The following DNM3 variants were observed in gnomAD, a reference collection of about 807,000 sequenced individuals.
DNM3 encodes dynamin 3.
A neutral mutation model predicts 101.6 loss-of-function variants in DNM3; 47 were observed. That is an observed-to-expected ratio of 0.46 (90% CI 0.37 to 0.59). The LOEUF is 0.59. DNM3 is among the 20% of genes least tolerant of loss of function. The pLI is 0.00. For synonymous variants in DNM3, 385 were observed against 387.9 expected (o/e 0.99, Z 0.09); for missense variants, 849 against 1,085.7 (o/e 0.78, Z 3.06).
intron 1 of DNM3, among the ~76,000 whole-genome samples, chr1:171,889,136 T>A (rs895526513): frequency 6.6e-6 from 1 of 152,078 alleles, no homozygotes; most frequent in Non-Finnish European, 1.5e-5. Flanking sequence ...TGGACCACCA[T>A]GCCCGGCTAA....
At chr1:172,303,829 T>A (rs1439349112) in intron 15 of DNM3, among the ~76,000 whole-genome samples, 2 of 152,098 alleles carry the variant, frequency 1.3e-5, no homozygotes, top group Non-Finnish European at 2.9e-5. Context: ...AAGCAAATGC[T>A]GAGAGATTTT....
chr1:172,088,801 G>GT, intron 12 of DNM3, among the ~76,000 whole-genome samples: 3 of 152,196 alleles, frequency 2.0e-5, no homozygotes, highest in African/African-American at 7.2e-5. Context: ...AATTACAATG[G>GT]TATAGGATTT....
intron 15 of DNM3, among the ~76,000 whole-genome samples, chr1:172,292,233 A>G (rs919636910): frequency 3.3e-5 from 5 of 152,200 alleles, no homozygotes; most frequent in African/African-American, 1.2e-4. Flanking sequence ...TCAAGTTGAT[A>G]TTATAATCCC....
intron 15 of DNM3, among the ~76,000 whole-genome samples, chr1:172,269,222 CA>C (rs1371767671): frequency 1.3e-5 from 2 of 152,150 alleles, no homozygotes; most frequent in Non-Finnish European, 2.9e-5. Flanking sequence ...AGTTCAAGAA[CA>C]AAAAGAAATT....
chr1:172,303,725 C>A (rs186135263), intron 15 of DNM3, among the ~76,000 whole-genome samples: 50 of 152,276 alleles, frequency 3.3e-4, no homozygotes, highest in African/African-American at 1.1e-3. Flanking sequence ...AGCCAATATT[C>A]AACATTCTTA....
intron 1 of DNM3, among the ~76,000 whole-genome samples, chr1:171,904,043 C>A (rs146285457): frequency 3.6e-4 from 55 of 152,068 alleles, no homozygotes; most frequent in Admixed American, 7.9e-4. Flanking sequence ...CGCAGTGGCT[C>A]ACAGCTGTAA....
intron 14 of DNM3, among the ~76,000 whole-genome samples, chr1:172,242,028 T>C (rs761462163): frequency 5.3e-5 from 8 of 152,086 alleles, no homozygotes; most frequent in Non-Finnish European, 8.8e-5. Context: ...TGCCATTCAG[T>C]TGCTTGAAAA....
chr1:172,151,893 T>C (rs2058142778), intron 14 of DNM3, among the ~76,000 whole-genome samples: 1 of 152,112 alleles, frequency 6.6e-6, no homozygotes, highest in African/African-American at 2.4e-5. Context: ...TTTGTTTGTT[T>C]GTTTGTTTGA....
At chr1:172,417,903 T>C (rs752629899) in intron 20 of DNM3, among the ~76,000 whole-genome samples, 4 of 152,176 alleles carry the variant, frequency 2.6e-5, no homozygotes, top group African/African-American at 4.8e-5. Context: ...TTTCACAAAA[T>C]CAGGGTTGAA....
Position 172,032,412 on chromosome 1 carries a change from C to T in DNM3, c.600C>T (p.Thr200=). 1 of 1,611,890 alleles carries T rather than the reference C, an allele frequency of 6.2e-7. No individual in the cohort carries two copies. Among genetic ancestry groups the T allele is most frequent in the Non-Finnish European group, 8.5e-7 (1 of 1,178,478 alleles). ...TTGTTTATGATGCAGGTCTGAGAAC[C>T]ATTGGAGTTATCACCAAACTGGACC... is the stretch of plus-strand genomic sequence containing the variant. ...AKEVDPQGLR[T]IGVITKLDLM... Residue 200 remains threonine (T), a synonymous_variant, in exon 5 of 21, where the codon ACC becomes ACT. Transcript: ENST00000627582.
chr1:172,366,214 A>T (rs2068011271), intron 17 of DNM3, among the ~76,000 whole-genome samples: 1 of 151,964 alleles, frequency 6.6e-6, no homozygotes, highest in Admixed American at 6.6e-5. Context: ...CAACAGAGCG[A>T]GGCCCTTTTT....
At chr1:172,083,583 C>T (rs2053313121) in intron 12 of DNM3, among the ~76,000 whole-genome samples, 1 of 152,044 alleles carries the variant, frequency 6.6e-6, no homozygotes, top group Non-Finnish European at 1.5e-5. Flanking sequence ...TGTTGTGGTA[C>T]CACAATTAGA....
chr1:171,964,789 C>T (rs1313401792), intron 2 of DNM3, among the ~76,000 whole-genome samples: 1 of 151,952 alleles, frequency 6.6e-6, no homozygotes, highest in Non-Finnish European at 1.5e-5. Flanking sequence ...ATAAACAGGA[C>T]ACAAGAGGGG....
At chr1:172,311,782 A>G (rs2065092691) in intron 16 of DNM3, among the ~76,000 whole-genome samples, 1 of 152,142 alleles carries the variant, frequency 6.6e-6, no homozygotes, top group Non-Finnish European at 1.5e-5. Flanking sequence ...TCACAACACA[A>G]TCTGTTTTGA....
chr1:172,244,750 G>T (rs1303897214), intron 14 of DNM3, among the ~76,000 whole-genome samples: 3 of 152,130 alleles, frequency 2.0e-5, no homozygotes, highest in Non-Finnish European at 4.4e-5. Context: ...CTTTTACACT[G>T]TTGGTGGGAC....
chr1:172,170,038 G>A lies in DNM3; in HGVS notation c.1659+38750G>A, dbSNP rs575876723. Among the ~76,000 whole-genome samples the A allele has an allele frequency of 6.6e-5, 10 of 151,908 alleles. No homozygotes were observed. The South Asian group carries it at 2.1e-3, about 32-fold the overall frequency. ...TAAGTATGTTTAGGAAGCAGATTTG[G>A]AAGGAGCTAGAGATCTATGCACTAC... is the stretch of plus-strand genomic sequence containing the variant. On this transcript the variant is annotated intron_variant, in intron 14 of 20. Coordinates refer to ENST00000627582, the MANE Select transcript of DNM3 (RefSeq NM_015569.5).
intron 2 of DNM3, among the ~76,000 whole-genome samples, chr1:171,944,678 T>A (rs924527456): frequency 1.3e-5 from 2 of 151,946 alleles, no homozygotes; most frequent in Non-Finnish European, 2.9e-5. Context: ...CCAGCCTCAA[T>A]TCCTTACTTA....
chr1:172,213,183 A>G (rs1380052490), intron 14 of DNM3, among the ~76,000 whole-genome samples: 3 of 152,132 alleles, frequency 2.0e-5, no homozygotes, highest in Non-Finnish European at 4.4e-5. Flanking sequence ...GGTCCGGGCC[A>G]CAGCTGATTT....
intron 1 of DNM3, among the ~76,000 whole-genome samples, chr1:171,877,983 G>C (rs1237881545): frequency 6.6e-6 from 1 of 152,154 alleles, no homozygotes; most frequent in African/African-American, 2.4e-5. Context: ...GACTCATTTA[G>C]AGTTTCTATA....
Sources: allele counts gnomAD v4.1 joint callset (sites outside exome capture counted in the v4.1 genomes callset), GRCh38; gene constraint gnomAD v4.1.1; transcripts MANE v1.5; gene names NCBI Gene and HGNC (gene_info 2026-07-23, HGNC 2026-07-21).